The following ZNF521 variants were observed in gnomAD, a reference collection of about 807,000 sequenced individuals.
ZNF521 encodes the protein LYST-interacting protein 3.
A neutral mutation model predicts 105.5 loss-of-function variants in ZNF521; 14 were observed. The ratio of observed to expected loss-of-function variants is 0.13; its 90% CI spans 0.09 to 0.21. ZNF521 has a LOEUF of 0.21. ZNF521 is among the 10% of genes least tolerant of loss of function. The probability of loss-of-function intolerance (pLI) is 1.00; values close to 1 mark genes in which losing one functional copy is unlikely to be tolerated. For synonymous variants in ZNF521, 635 were observed against 606.0 expected (o/e 1.05, Z -0.70); for missense variants, 1,233 against 1,629.7 (o/e 0.76, Z 4.19).
chr18:25,341,622 A>C (rs77163190), intron 2 of ZNF521, among the ~76,000 whole-genome samples: 1,607 of 152,314 alleles, frequency 0.011, 33 homozygotes, highest in African/African-American at 0.033. Flanking sequence ...TATAAGAGAA[A>C]AACAAAGCTA....
chr18:25,278,872 C>T (rs971568165), intron 3 of ZNF521, among the ~76,000 whole-genome samples: 34 of 152,160 alleles, frequency 2.2e-4, no homozygotes, highest in Admixed American at 2.0e-3. Flanking sequence ...TCACTTTTTA[C>T]AGTAGGTTGG....
intron 3 of ZNF521, among the ~76,000 whole-genome samples, chr18:25,264,153 G>A (rs767463916): frequency 2.0e-5 from 3 of 152,106 alleles, no homozygotes; most frequent in Admixed American, 6.6e-5. Context: ...TCTTTGGACC[G>A]CAACTACTCT....
At chr18:25,280,795 T>C (rs13381663) in intron 3 of ZNF521, among the ~76,000 whole-genome samples, 35,332 of 152,158 alleles carry the variant, frequency 0.23, 4,322 homozygotes, top group South Asian at 0.37. Context: ...AACAGGGTTT[T>C]CCCAGCCTTC....
At chr18:25,078,196 C>T (rs539575701) in intron 7 of ZNF521, among the ~76,000 whole-genome samples, 3 of 152,302 alleles carry the variant, frequency 2.0e-5, no homozygotes, top group South Asian at 2.1e-4. Flanking sequence ...GATTATAAAG[C>T]TGCCCTCCTG....
chr18:25,066,430 G>C (rs2033062620), intron 7 of ZNF521, among the ~76,000 whole-genome samples: 1 of 152,126 alleles, frequency 6.6e-6, no homozygotes, highest in Non-Finnish European at 1.5e-5. Context: ...TTCATTCTCT[G>C]GGGGAAGGAA....
chr18:25,305,230 A>G (rs1911908147), intron 3 of ZNF521, among the ~76,000 whole-genome samples: 1 of 152,216 alleles, frequency 6.6e-6, no homozygotes, highest in African/African-American at 2.4e-5. Flanking sequence ...ACGCTTGCCT[A>G]CTAAAAATGA....
At chr18:25,079,033 T>C (rs921057806) in intron 7 of ZNF521, among the ~76,000 whole-genome samples, 5 of 152,242 alleles carry the variant, frequency 3.3e-5, no homozygotes, top group African/African-American at 1.2e-4. Context: ...AAATCACCAC[T>C]GCTCTTTTAA....
At chr18:25,077,554 G>A (rs1441839800) in intron 7 of ZNF521, among the ~76,000 whole-genome samples, 2 of 151,992 alleles carry the variant, frequency 1.3e-5, no homozygotes, top group Non-Finnish European at 2.9e-5. Flanking sequence ...AGTAAAAACA[G>A]GCTCTGTGTT....
At chr18:25,315,076 T>C (rs1300710008) in intron 3 of ZNF521, among the ~76,000 whole-genome samples, 1 of 152,164 alleles carries the variant, frequency 6.6e-6, no homozygotes, top group African/African-American at 2.4e-5. Flanking sequence ...CAAGAAATGA[T>C]AGGGTTTGTG....
intron 3 of ZNF521, among the ~76,000 whole-genome samples, chr18:25,281,346 C>G (rs1221831563): frequency 6.6e-6 from 1 of 152,208 alleles, no homozygotes; most frequent in Non-Finnish European, 1.5e-5. Flanking sequence ...CCTCCTCATT[C>G]CTGCACACAG....
intron 3 of ZNF521, among the ~76,000 whole-genome samples, chr18:25,265,999 C>CA (rs1243546963): frequency 6.6e-6 from 1 of 152,006 alleles, no homozygotes; most frequent in African/African-American, 2.4e-5. Context: ...CAATTGAACT[C>CA]ATGAATACAG....
At position 25,062,666 on chromosome 18, in the gene ZNF521, C is replaced by G; in HGVS notation, c.*46G>C. On this transcript the variant is annotated 3_prime_UTR_variant, in exon 8 of 8. Transcript: ENST00000361524. Reference sequence around the variant, plus strand: ...TCGTGCAAAGAGTAAAACATGTTCCCTTTTTGTGCCACAAAATCAATTCTC... The same window carrying G: ...TCGTGCAAAGAGTAAAACATGTTCCGTTTTTGTGCCACAAAATCAATTCTC... 1 of 1,534,518 alleles carries G rather than the reference C, an allele frequency of 6.5e-7. No homozygotes were observed. Among genetic ancestry groups the G allele is most frequent in the Non-Finnish European group, 8.8e-7 (1 of 1,142,052 alleles).
Position 25,225,974 on chromosome 18 carries a change from G to A in ZNF521, c.1944C>T (p.Ser648=), listed in dbSNP as rs976457849. The A allele has an allele frequency of 5.0e-6, 8 of 1,614,182 alleles. No homozygotes were observed. The highest frequency in any genetic ancestry group is 6.8e-6 in the Non-Finnish European group (8 of 1,180,026). Residue 648 remains serine, a synonymous_variant, in exon 4 of 8, where the codon AGC becomes AGT. Transcript: ENST00000361524. The surrounding 1 kb of genome is among the most constrained non-coding windows in gnomAD (Gnocchi z 5.6). The part of the protein sequence containing the change: ...QCGAKYTSLD[S]FQTHLKTHLD... The stretch of plus-strand genomic sequence containing the variant: ...GATGAGTTTTTAGGTGAGTCTGAAA[G>A]CTGTCTAGGGATGTGTACTTAGCAC...
intron 5 of ZNF521, among the ~76,000 whole-genome samples, chr18:25,128,656 C>T (rs977630611): frequency 6.6e-6 from 1 of 151,938 alleles, no homozygotes; most frequent in Non-Finnish European, 1.5e-5. Flanking sequence ...GTCTTACATA[C>T]AAGCAATGAG....
rs1910723228 is a variant in ZNF521 at position 25,286,657 on chromosome 18, T to C, written c.220+35351A>G. Among the ~76,000 whole-genome samples, 4 of 152,336 alleles carry C rather than the reference T, an allele frequency of 2.6e-5. No individual in the cohort carries two copies. In the South Asian group the frequency reaches 8.3e-4, roughly 32 times the overall value. Reference sequence around the variant, plus strand: ...TCAGATATTAAAAATAATCTCTATTTTTTCATTTCTTGAAATAGAAGCTGA... The same window carrying C: ...TCAGATATTAAAAATAATCTCTATTCTTTCATTTCTTGAAATAGAAGCTGA... On this transcript the variant is annotated intron_variant, in intron 3 of 7. Transcript: ENST00000361524.
chr18:25,099,741 T>C (rs1335352051), intron 5 of ZNF521, among the ~76,000 whole-genome samples: 2 of 152,204 alleles, frequency 1.3e-5, no homozygotes, highest in Non-Finnish European at 2.9e-5. Flanking sequence ...TTAAAATTTC[T>C]CTTGTTTGAT....
intron 3 of ZNF521, among the ~76,000 whole-genome samples, chr18:25,316,119 A>T (rs1912596281): frequency 6.6e-6 from 1 of 152,066 alleles, no homozygotes; most frequent in African/African-American, 2.4e-5. Context: ...GTCAGTAACG[A>T]CTTCAAGATT....
chr18:25,259,298 T>C (rs1410533783), intron 3 of ZNF521, among the ~76,000 whole-genome samples: 1 of 152,178 alleles, frequency 6.6e-6, no homozygotes, highest in Non-Finnish European at 1.5e-5. Context: ...GGTACAGTCT[T>C]GGCCAAGTCT....
chr18:25,102,205 T>C (rs1334169674), intron 5 of ZNF521, among the ~76,000 whole-genome samples: 2 of 152,178 alleles, frequency 1.3e-5, no homozygotes, highest in Non-Finnish European at 2.9e-5. Flanking sequence ...GACACACGAC[T>C]GGGAAGGCAC....
Sources: allele counts gnomAD v4.1 joint callset (sites outside exome capture counted in the v4.1 genomes callset), GRCh38; gene constraint gnomAD v4.1.1; non-coding constraint Gnocchi (gnomAD v3.1); transcripts MANE v1.5; gene names NCBI Gene and HGNC (gene_info 2026-07-23, HGNC 2026-07-21).